The following SEMA3A variants were observed in gnomAD, a reference collection of about 807,000 sequenced individuals.
SEMA3A encodes semaphorin-3A.
Under a neutral mutation model 97.9 loss-of-function variants are expected in SEMA3A, and 29 were observed. The observed-to-expected ratio is 0.30, with a 90% CI of 0.22 to 0.40. The LOEUF is 0.40. SEMA3A is among the 10% of genes least tolerant of loss of function. SEMA3A has a pLI of 1.00. For missense variants in SEMA3A, 763 were observed against 951.3 expected (o/e 0.80, Z 2.60); for synonymous variants, 321 against 323.7 (o/e 0.99, Z 0.09).
At chr7:84,477,611 C>T (rs914285124) in intron 1 of SEMA3A, among the ~76,000 whole-genome samples, 1 of 151,982 alleles carries the variant, frequency 6.6e-6, no homozygotes, top group Non-Finnish European at 1.5e-5. Context: ...CTTGTTTTTT[C>T]ATCATCTTGT....
Position 83,958,062 on chromosome 7 carries a change from G to A in SEMA3A, c.*3309C>T, listed in dbSNP as rs2116231433. ...ATAACAGTCATCTGACATCTTTGTG[G>A]ATCCTGAATAAAACCAAACTGATTA... On this transcript the variant is annotated 3_prime_UTR_variant, in exon 17 of 17. Transcript: ENST00000265362. The A allele has an allele frequency of 6.6e-6, 1 of 152,120 alleles. No homozygotes were observed. The highest frequency in any genetic ancestry group is 6.6e-5 in the Admixed American group (1 of 15,248). The allele number at this position is 152,120 out of a possible 1,614,324, so 9.4% of individuals were successfully genotyped here.
intron 13 of SEMA3A, among the ~76,000 whole-genome samples, chr7:83,983,183 TTC>T (rs921270755): frequency 1.3e-5 from 2 of 151,884 alleles, no homozygotes; most frequent in African/African-American, 2.4e-5. Flanking sequence ...CCTTCCCCAT[TTC>T]TCTCTCTTTC....
intron 3 of SEMA3A, among the ~76,000 whole-genome samples, chr7:84,248,091 C>A (rs1290451081): frequency 2.6e-5 from 4 of 152,152 alleles, no homozygotes; most frequent in African/African-American, 9.7e-5. Context: ...ATCATTCATA[C>A]TATCTTCCTT....
At chr7:83,993,173 G>T (rs1361219912) in intron 12 of SEMA3A, among the ~76,000 whole-genome samples, 5 of 134,572 alleles carry the variant, frequency 3.7e-5, no homozygotes, top group African/African-American at 1.4e-4. Flanking sequence ...TTGCTTGGTA[G>T]ATCTTCCTCC....
rs925438565 is a variant in SEMA3A, at chr7:84,362,748, T to C, written c.-169+9076A>G. ...TTTTATGGTAACATCCATTTTCTAA[T>C]GTTAAGGATGTATGTAAGAGTATGG... On this transcript the variant is annotated intron_variant, in intron 2 of 3. Transcript: ENST00000424555. Among the ~76,000 whole-genome samples, 5 of 151,930 alleles carry C rather than the reference T, an allele frequency of 3.3e-5. No individual in the cohort carries two copies. The East Asian group carries it at 5.8e-4, about 18-fold the overall frequency.
At chr7:83,977,078 T>C in intron 15 of SEMA3A, 54 bp downstream of exon 15, 1 of 1,059,408 alleles carries the variant, frequency 9.4e-7, no homozygotes, top group East Asian at 2.6e-5. Flanking sequence ...GAATATGCAT[T>C]ATTATGATTT....
chr7:84,195,636 T>G (rs931729547), upstream of SEMA3A, among the ~76,000 whole-genome samples: 2 of 152,124 alleles, frequency 1.3e-5, no homozygotes, highest in African/African-American at 4.8e-5. Context: ...ATAGGTCCTT[T>G]GAGAATTATA....
intron 1 of SEMA3A, among the ~76,000 whole-genome samples, chr7:84,461,781 G>A (rs1805846136): frequency 6.6e-6 from 1 of 152,076 alleles, no homozygotes; most frequent in Admixed American, 6.5e-5. Context: ...TGAGAAAGTG[G>A]ATTTGTTTCA....
chr7:84,330,958 A>C (rs1232527552), intron 2 of SEMA3A, among the ~76,000 whole-genome samples: 1 of 152,150 alleles, frequency 6.6e-6, no homozygotes, highest in Non-Finnish European at 1.5e-5. Context: ...CAATGATTCC[A>C]TGCCATGGAA....
chr7:84,111,933 T>C (rs1033027016), intron 3 of SEMA3A, among the ~76,000 whole-genome samples: 17 of 152,252 alleles, frequency 1.1e-4, no homozygotes, highest in African/African-American at 3.8e-4. Context: ...GAAACAGATA[T>C]AACTTAACTT....
chr7:84,050,106 G>A (rs1004293007), intron 5 of SEMA3A, among the ~76,000 whole-genome samples: 5 of 151,250 alleles, frequency 3.3e-5, no homozygotes, highest in African/African-American at 1.2e-4. Flanking sequence ...TCTTAATCCA[G>A]TCTATCATTG....
At chr7:84,349,576 A>G (rs1802386152) in intron 2 of SEMA3A, among the ~76,000 whole-genome samples, 1 of 152,194 alleles carries the variant, frequency 6.6e-6, no homozygotes, top group South Asian at 2.1e-4. Flanking sequence ...GAGGGGAGGA[A>G]GACACTGGCT....
chr7:83,975,923 A>C (rs2116301345), intron 15 of SEMA3A, among the ~76,000 whole-genome samples: 1 of 152,292 alleles, frequency 6.6e-6, no homozygotes, highest in East Asian at 1.9e-4. Context: ...CAATAAATGC[A>C]CCATACTAAT....
chr7:84,115,271 T>C (rs930545593), intron 3 of SEMA3A, among the ~76,000 whole-genome samples: 1 of 152,080 alleles, frequency 6.6e-6, no homozygotes, highest in African/African-American at 2.4e-5. Flanking sequence ...AAATGAAGAC[T>C]CTCTGTACAA....
intron 1 of SEMA3A, among the ~76,000 whole-genome samples, chr7:84,150,950 T>G (rs943472999): frequency 2.7e-5 from 4 of 150,278 alleles, no homozygotes; most frequent in Non-Finnish European, 5.9e-5. Flanking sequence ...CTGAGCAGCC[T>G]AACTGGGAGG....
chr7:84,062,748 G>C (rs374352560), intron 4 of SEMA3A, among the ~76,000 whole-genome samples: 1 of 152,122 alleles, frequency 6.6e-6, no homozygotes, highest in Non-Finnish European at 1.5e-5. Context: ...ATTATATCCC[G>C]CACCTGGCTT....
At chr7:84,150,370 T>A (rs1405085114) in intron 1 of SEMA3A, among the ~76,000 whole-genome samples, 1 of 152,006 alleles carries the variant, frequency 6.6e-6, no homozygotes, top group Non-Finnish European at 1.5e-5. Context: ...TGGGCGCAGG[T>A]CAGTGGGTGC....
At chr7:84,360,365 A>G (rs1040737784) in intron 2 of SEMA3A, among the ~76,000 whole-genome samples, 14 of 152,074 alleles carry the variant, frequency 9.2e-5, no homozygotes, top group Non-Finnish European at 1.3e-4. Context: ...TTGGTTTCAA[A>G]GAACATCTTT....
intron 5 of SEMA3A, among the ~76,000 whole-genome samples, chr7:84,048,758 T>C (rs1348358661): frequency 1.3e-5 from 2 of 152,100 alleles, no homozygotes; most frequent in African/African-American, 2.4e-5. Context: ...GGAGGTTTAA[T>C]AGGAAATATT....
Sources: gnomAD v4.1 joint callset for allele counts (sites outside exome capture counted in the v4.1 genomes callset) on GRCh38, gnomAD v4.1.1 for gene constraint, MANE v1.5 for transcripts, NCBI Gene and HGNC (gene_info 2026-07-23, HGNC 2026-07-21) for gene names.